CCDC178: variants seen among roughly 807,000 people sequenced by gnomAD.
CCDC178 encodes the protein coiled-coil domain containing 178, also known as coiled-coil domain-containing protein 178.
A neutral mutation model predicts 117.4 loss-of-function variants in CCDC178; 126 were observed. The ratio of observed to expected loss-of-function variants is 1.07; its 90% CI spans 0.93 to 1.24. CCDC178 has a LOEUF of 1.24. Among genes scored for constraint, CCDC178 ranks in the 50% most tolerant of loss-of-function variants. CCDC178 has a pLI of 0.00. For missense variants in CCDC178, 1,030 were observed against 986.9 expected (o/e 1.04, Z -0.59); for synonymous variants, 283 against 313.4 (o/e 0.90, Z 1.02).
At chr18:33,404,294 G>T (rs933512640) in intron 3 of CCDC178, among the ~76,000 whole-genome samples, 1 of 152,010 alleles carries the variant, frequency 6.6e-6, no homozygotes, top group African/African-American at 2.4e-5. Flanking sequence ...ATGTGGGTTA[G>T]GAGATAGTGA....
chr18:33,134,746 T>G (rs775492970), intron 20 of CCDC178, among the ~76,000 whole-genome samples: 40 of 152,086 alleles, frequency 2.6e-4, no homozygotes, highest in Non-Finnish European at 4.9e-4. Flanking sequence ...AATCACTGTT[T>G]AGGATAAACA....
At chr18:33,435,580 G>A (rs2064277188) in intron 2 of CCDC178, among the ~76,000 whole-genome samples, 1 of 151,904 alleles carries the variant, frequency 6.6e-6, no homozygotes, top group Non-Finnish European at 1.5e-5. Flanking sequence ...TACAGAGAGA[G>A]AGAGGCAAGT....
At chr18:33,284,245 G>C (rs1455897042) in intron 12 of CCDC178, among the ~76,000 whole-genome samples, 1 of 152,084 alleles carries the variant, frequency 6.6e-6, no homozygotes, top group Non-Finnish European at 1.5e-5. Context: ...CACACATTGG[G>C]ACCTATCAGA....
chr18:33,239,280 G>T (rs1317343923), intron 15 of CCDC178, among the ~76,000 whole-genome samples: 1 of 151,894 alleles, frequency 6.6e-6, no homozygotes, highest in Non-Finnish European at 1.5e-5. Context: ...AGTAAAAGAT[G>T]AAGTAAGAAA....
intron 18 of CCDC178, among the ~76,000 whole-genome samples, chr18:33,222,058 C>G (rs1378941698): frequency 6.6e-6 from 1 of 152,096 alleles, no homozygotes; most frequent in East Asian, 1.9e-4. Context: ...CTAGTTTAAG[C>G]ATGTTTATAT....
At chr18:33,209,231 G>A (rs1048045410) in intron 20 of CCDC178, among the ~76,000 whole-genome samples, 5 of 151,950 alleles carry the variant, frequency 3.3e-5, no homozygotes, top group African/African-American at 1.2e-4. Flanking sequence ...TACCATTTAT[G>A]GATATATGAT....
At chr18:33,293,112 C>T (rs2062057110) in intron 12 of CCDC178, 47 bp downstream of exon 12, 2 of 1,359,754 alleles carry the variant, frequency 1.5e-6, no homozygotes, top group Non-Finnish European at 2.0e-6. Flanking sequence ...CTATTTATAA[C>T]TCAAAACAAA....
intron 7 of CCDC178, 31 bp downstream of exon 7, chr18:33,356,293 A>G (rs1322789185): frequency 2.7e-6 from 4 of 1,459,730 alleles, no homozygotes; most frequent in Middle Eastern, 1.8e-4. Flanking sequence ...TTAAAAATAA[A>G]ATAGTTTTAA....
chr18:33,434,875 T>C (rs895111070), intron 2 of CCDC178, among the ~76,000 whole-genome samples: 6 of 152,176 alleles, frequency 3.9e-5, no homozygotes, highest in Non-Finnish European at 7.4e-5. Context: ...ATTTAAAATG[T>C]TCTTTCCCAG....
At chr18:33,374,352 C>G (rs1020949452) in intron 5 of CCDC178, among the ~76,000 whole-genome samples, 2 of 152,146 alleles carry the variant, frequency 1.3e-5, no homozygotes, top group African/African-American at 4.8e-5. Flanking sequence ...AGACAATATA[C>G]AAATGACTAT....
At chr18:33,108,413 C>T (rs904858804) in intron 20 of CCDC178, among the ~76,000 whole-genome samples, 35 of 151,330 alleles carry the variant, frequency 2.3e-4, no homozygotes, top group Non-Finnish European at 2.2e-4. Flanking sequence ...ATGGCATTCC[C>T]GACTGTATCT....
At chr18:33,394,943 G>GTGTATATA (rs1222110972) in intron 4 of CCDC178, among the ~76,000 whole-genome samples, 5 of 61,502 alleles carry the variant, frequency 8.1e-5, no homozygotes, top group African/African-American at 2.4e-4. Context: ...ATATGTATGT[G>GTGTATATA]TATATATATA....
chr18:33,423,720 GT>G (rs1254465907), intron 2 of CCDC178, among the ~76,000 whole-genome samples: 1 of 152,058 alleles, frequency 6.6e-6, no homozygotes, highest in Non-Finnish European at 1.5e-5. Context: ...TTTATTCCAT[GT>G]TTTTTCTTTG....
chr18:33,232,033 C>A (rs2059373925), intron 15 of CCDC178, among the ~76,000 whole-genome samples: 1 of 152,108 alleles, frequency 6.6e-6, no homozygotes, highest in African/African-American at 2.4e-5. Flanking sequence ...GGATTAAGGT[C>A]TCTGTCACAA....
chr18:33,181,832 C>G (rs2058735769), intron 20 of CCDC178, among the ~76,000 whole-genome samples: 1 of 151,614 alleles, frequency 6.6e-6, no homozygotes, highest in Non-Finnish European at 1.5e-5. Flanking sequence ...GGCTACCTAA[C>G]AACAACAAAA....
At chr18:33,430,455 T>C (rs1477800295) in intron 2 of CCDC178, among the ~76,000 whole-genome samples, 1 of 152,200 alleles carries the variant, frequency 6.6e-6, no homozygotes, top group Non-Finnish European at 1.5e-5. Context: ...GAAGACAGTT[T>C]CAGGACCATG....
chr18:33,010,114 T>A (rs2055833760), intron 21 of CCDC178, among the ~76,000 whole-genome samples: 1 of 152,192 alleles, frequency 6.6e-6, no homozygotes, highest in South Asian at 2.1e-4. Context: ...GAGAGTACAA[T>A]GGCATCCTAA....
At chr18:33,218,189 G>T (rs1483433201) in intron 18 of CCDC178, among the ~76,000 whole-genome samples, 5 of 141,792 alleles carry the variant, frequency 3.5e-5, no homozygotes, top group Non-Finnish European at 3.2e-5. Context: ...AACCACATTT[G>T]ACATACATCT....
In CCDC178 at chr18:33,431,478, C is replaced by T. The variant is rs1182258268; in HGVS notation, c.-23+8484G>A. ...ACTATCATACTTTTTGTTATTTTTG[C>T]TTACTCTTTGTAGTGTTATTTAAGT... On this transcript the variant is annotated intron_variant, in intron 2 of 22. Transcript: ENST00000383096. Among the ~76,000 whole-genome samples the T allele has an allele frequency of 3.3e-5, 5 of 152,048 alleles. No homozygotes were observed. The East Asian group carries it at 9.6e-4, about 29-fold the overall frequency.
Sources: allele counts gnomAD v4.1 joint callset (sites outside exome capture counted in the v4.1 genomes callset), GRCh38; gene constraint gnomAD v4.1.1; transcripts MANE v1.5; gene names NCBI Gene and HGNC (gene_info 2026-07-23, HGNC 2026-07-21).